SNX29: variants seen among roughly 807,000 people sequenced by gnomAD.
SNX29 encodes the protein sorting nexin-29.
A neutral mutation model predicts 102.1 loss-of-function variants in SNX29; 78 were observed. That is an observed-to-expected ratio of 0.76 (90% CI 0.64 to 0.92). SNX29 has a LOEUF of 0.92. SNX29 is among the 40% of genes least tolerant of loss of function. SNX29 has a pLI of 0.00. For synonymous variants in SNX29, 580 were observed against 414.5 expected (o/e 1.40, Z -4.85); for missense variants, 1,280 against 1,061.7 (o/e 1.21, Z -2.86).
intron 19 of SNX29, among the ~76,000 whole-genome samples, chr16:12,502,771 C>G (rs1567628980): frequency 6.6e-5 from 10 of 152,170 alleles, no homozygotes; most frequent in Admixed American, 5.9e-4. Context: ...AATGGTACCT[C>G]CTCCTTTGTC....
rs775092160 is a variant in SNX29 at position 12,052,277 on chromosome 16, C to T, written c.1124+55C>T. The T allele has an allele frequency of 1.2e-5, 19 of 1,594,848 alleles. No individual in the cohort carries two copies. The East Asian group carries it at 2.3e-4, about 19-fold the overall frequency. On this transcript the variant is annotated intron_variant, in intron 8 of 20. Coordinates refer to ENST00000566228, the MANE Select transcript of SNX29 (RefSeq NM_032167.5). ...CGTCCCCCAGGCTGGAGTGCCGTGG[C>T]GTGATCTCAGCTCACTGCAACCTCC...
Position 11,984,546 on chromosome 16 carries a change from ATTT to A in SNX29, c.7+7735_7+7737del, listed in dbSNP as rs889369098. 8.4e-4 allele frequency among the ~76,000 whole-genome samples: 128 copies of A among 152,114 alleles called. 1 individual carries two copies. The highest frequency in any genetic ancestry group is 3.0e-3 in the African/African-American group (124 of 41,500). ...TGGAATGTACAGTCCATCATTCATC[ATTT>A]TGCATGTAGTACAACTTTTAACTAT... On this transcript the variant is annotated intron_variant, in intron 1 of 20. Transcript: ENST00000566228.
intron 20 of SNX29, chr16:12,527,212 G>C (rs1010391639): frequency 1.7e-5 from 9 of 533,716 alleles, no homozygotes; most frequent in African/African-American, 1.1e-4. Context: ...TTTCATTTTG[G>C]GGTAATGATG....
At chr16:12,553,004 G>A (rs1319616852) in intron 20 of SNX29, among the ~76,000 whole-genome samples, 3 of 152,220 alleles carry the variant, frequency 2.0e-5, no homozygotes, top group East Asian at 3.8e-4. Context: ...CTGAAATCAG[G>A]AGAGTGGGAT....
intron 20 of SNX29, among the ~76,000 whole-genome samples, chr16:12,542,578 C>T (rs143275648): frequency 0.035 from 5,261 of 152,224 alleles, 173 homozygotes; most frequent in African/African-American, 0.086. Context: ...GTGATCCACC[C>T]GCCTCAGCCT....
chr16:11,986,560 C>T (rs1472686524), intron 1 of SNX29, among the ~76,000 whole-genome samples: 5 of 152,112 alleles, frequency 3.3e-5, no homozygotes, highest in African/African-American at 9.7e-5. Context: ...TCCGTTTGAG[C>T]GTTTCTGCTT....
chr16:12,561,659 C>T (rs543291454), intron 20 of SNX29, among the ~76,000 whole-genome samples: 2 of 152,320 alleles, frequency 1.3e-5, no homozygotes, highest in East Asian at 1.9e-4. Context: ...TCCTGGGGCC[C>T]TCTGAGGGTG....
At chr16:12,544,091 C>G (rs2077472743) in intron 20 of SNX29, among the ~76,000 whole-genome samples, 1 of 152,212 alleles carries the variant, frequency 6.6e-6, no homozygotes, top group Non-Finnish European at 1.5e-5. Flanking sequence ...TTTCTGCAGA[C>G]TTGGTTGTGG....
chr16:12,503,716 G>A (rs899207127), intron 19 of SNX29, among the ~76,000 whole-genome samples: 4 of 152,050 alleles, frequency 2.6e-5, no homozygotes, highest in Admixed American at 6.5e-5. Flanking sequence ...TTCTGTGTAG[G>A]ATTCACTGTC....
chr16:12,006,055 T>C (rs989158120), intron 3 of SNX29, among the ~76,000 whole-genome samples: 1 of 152,070 alleles, frequency 6.6e-6, no homozygotes, highest in Non-Finnish European at 1.5e-5. Context: ...TTACTAATAA[T>C]AGGCCAGGCG....
intron 13 of SNX29, among the ~76,000 whole-genome samples, chr16:12,154,826 C>T (rs762479372): frequency 4.1e-4 from 63 of 152,306 alleles, no homozygotes; most frequent in Non-Finnish European, 8.4e-4. Context: ...TGAGGCTGCT[C>T]TCTGGGGCCT....
At chr16:12,551,326 G>A (rs755648430) in intron 20 of SNX29, among the ~76,000 whole-genome samples, 2 of 152,194 alleles carry the variant, frequency 1.3e-5, no homozygotes, top group African/African-American at 4.8e-5. Context: ...TGTAACCTCA[G>A]AGATATGTGG....
At chr16:12,563,761 C>G (rs1234599257) in intron 20 of SNX29, among the ~76,000 whole-genome samples, 4 of 152,236 alleles carry the variant, frequency 2.6e-5, no homozygotes, top group African/African-American at 7.2e-5. Context: ...CACAACTTCT[C>G]CACCCTTGTC....
intron 18 of SNX29, among the ~76,000 whole-genome samples, chr16:12,411,253 G>A (rs114749880): frequency 1.2e-3 from 180 of 152,290 alleles, no homozygotes; most frequent in African/African-American, 4.1e-3. Context: ...TGAGGCAGCC[G>A]TTTGCTGTTT....
At chr16:12,315,075 C>T (rs2080687047) in intron 15 of SNX29, among the ~76,000 whole-genome samples, 1 of 152,264 alleles carries the variant, frequency 6.6e-6, no homozygotes, top group Admixed American at 6.5e-5. Flanking sequence ...TGGGCTTGTA[C>T]CTTTTAATCT....
At chr16:12,232,451 G>A (rs905613340) in intron 14 of SNX29, among the ~76,000 whole-genome samples, 1 of 152,260 alleles carries the variant, frequency 6.6e-6, no homozygotes, top group Admixed American at 6.5e-5. Context: ...ACCCAGGAGG[G>A]TGGAGGTTGC....
At chr16:12,126,284 G>A (rs1293287413) in intron 11 of SNX29, among the ~76,000 whole-genome samples, 1 of 152,210 alleles carries the variant, frequency 6.6e-6, no homozygotes, top group African/African-American at 2.4e-5. Context: ...CCATTCCTAA[G>A]CATCTCACTT....
intron 16 of SNX29, among the ~76,000 whole-genome samples, chr16:12,393,711 G>A (rs2083619894): frequency 1.3e-5 from 2 of 152,242 alleles, no homozygotes; most frequent in Admixed American, 6.5e-5. Context: ...CTTACAGAGA[G>A]GCTGAGGAAG....
intron 15 of SNX29, among the ~76,000 whole-genome samples, chr16:12,328,771 T>G (rs986134826): frequency 6.6e-6 from 1 of 152,186 alleles, no homozygotes; most frequent in Non-Finnish European, 1.5e-5. Context: ...TTTTTTTTCA[T>G]TATTGCCACA....
Sources: allele counts gnomAD v4.1 joint callset (sites outside exome capture counted in the v4.1 genomes callset), GRCh38; gene constraint gnomAD v4.1.1; transcripts MANE v1.5; gene names NCBI Gene and HGNC (gene_info 2026-07-23, HGNC 2026-07-21).